Variants in SMOC2 observed in about 807,000 individuals in gnomAD.
SMOC2 encodes SPARC related modular calcium binding 2, also known as SPARC-related modular calcium-binding protein 2.
In SMOC2, 39 loss-of-function variants were observed where a neutral mutation model predicts 61.4. That is an observed-to-expected ratio of 0.64 (90% CI 0.49 to 0.83). SMOC2 has a LOEUF of 0.83. SMOC2 is among the 40% of genes least tolerant of loss of function. The pLI is 0.00. For missense variants in SMOC2, 556 were observed against 592.9 expected, an observed-to-expected ratio of 0.94 and a Z score of 0.65; for synonymous variants, 247 against 239.9, an observed-to-expected ratio of 1.03 and a Z score of -0.27.
intron 7 of SMOC2, among the ~76,000 whole-genome samples, chr6:168,566,846 G>A (rs1025624136): frequency 1.3e-5 from 2 of 151,648 alleles, no homozygotes; most frequent in African/African-American, 4.9e-5. Flanking sequence ...AGTGTAGAGT[G>A]GGTGGCACAT....
chr6:168,658,915 TGTGTGTGTGGAGTGTGTGTATGTGTG>T (rs1408260148), intron 11 of SMOC2, among the ~76,000 whole-genome samples: 2 of 151,086 alleles, frequency 1.3e-5, no homozygotes, highest in Admixed American at 6.6e-5. Flanking sequence ...GTGTGTGGTG[TGTGTGTGTGGAGTGTGTGTATGTGTG>T]GTGTGTGTGG....
At chr6:168,632,728 C>T (rs1786601965) in intron 9 of SMOC2, among the ~76,000 whole-genome samples, 1 of 152,224 alleles carries the variant, frequency 6.6e-6, no homozygotes, top group Admixed American at 6.5e-5. Flanking sequence ...TGTCCTTCTT[C>T]ATCCACAACA....
At chr6:168,609,827 T>C (rs1371920698) in intron 9 of SMOC2, among the ~76,000 whole-genome samples, 1 of 152,188 alleles carries the variant, frequency 6.6e-6, no homozygotes, top group Admixed American at 6.5e-5. Context: ...ATTTTTTTTT[T>C]CGATAGCACA....
At chr6:168,581,480 C>G (rs561119209) in intron 7 of SMOC2, among the ~76,000 whole-genome samples, 31 of 152,132 alleles carry the variant, frequency 2.0e-4, no homozygotes, top group African/African-American at 7.0e-4. Context: ...TCAGAAGCCC[C>G]GGACGGGTCT....
intron 7 of SMOC2, among the ~76,000 whole-genome samples, chr6:168,556,008 C>T (rs1784240067): frequency 1.3e-5 from 2 of 152,196 alleles, no homozygotes; most frequent in Admixed American, 6.5e-5. Flanking sequence ...CGACACCATC[C>T]TCGCCGTGGC....
chr6:168,584,617 A>G (rs1357516859), intron 7 of SMOC2, among the ~76,000 whole-genome samples: 1 of 150,978 alleles, frequency 6.6e-6, no homozygotes, highest in East Asian at 1.9e-4. Context: ...AGTCTGATAT[A>G]CTATTCATTT....
At chr6:168,580,604 C>T (rs1385477761) in intron 7 of SMOC2, among the ~76,000 whole-genome samples, 7 of 152,206 alleles carry the variant, frequency 4.6e-5, no homozygotes, top group Non-Finnish European at 1.0e-4. Context: ...GGCAGTGGCA[C>T]AATCACGACT....
intron 8 of SMOC2, among the ~76,000 whole-genome samples, chr6:168,605,095 G>A (rs1229189965): frequency 1.3e-5 from 2 of 152,186 alleles, no homozygotes; most frequent in Admixed American, 1.3e-4. Context: ...ATGGGAAGGG[G>A]CCATCAGACT....
chr6:168,617,257 A>G (rs753228072), intron 9 of SMOC2, among the ~76,000 whole-genome samples: 7 of 150,470 alleles, frequency 4.7e-5, no homozygotes, highest in Non-Finnish European at 8.9e-5. Context: ...ATTTTCCTCA[A>G]CATGTAGAGG....
At chr6:168,516,177 A>G (rs1249821854) in intron 2 of SMOC2, among the ~76,000 whole-genome samples, 1 of 152,222 alleles carries the variant, frequency 6.6e-6, no homozygotes, top group Non-Finnish European at 1.5e-5. Context: ...TGTTTTGCAC[A>G]CTTCACACAG....
At chr6:168,578,939 G>T (rs891543677) in intron 7 of SMOC2, among the ~76,000 whole-genome samples, 9 of 152,170 alleles carry the variant, frequency 5.9e-5, no homozygotes, top group African/African-American at 1.9e-4. Flanking sequence ...TCTCCTGACC[G>T]GCATTCTGGG....
In SMOC2 at chr6:168,640,221, C is replaced by A. The variant is rs911949; in HGVS notation, c.908-10460C>A. On this transcript the variant is annotated intron_variant, in intron 9 of 12. Coordinates refer to ENST00000356284, the MANE Select transcript of SMOC2 (RefSeq NM_001166412.2). ...TTGGTGTTGTATTGTGCTTGTGTTG[C>A]GGTTGTGTTGTGGTAGTCGCTGTGT... Among the ~76,000 whole-genome samples the A allele has an allele frequency of 6.1e-5, 9 of 148,006 alleles. No individual in the cohort carries two copies. The East Asian group carries it at 1.6e-3, about 26-fold the overall frequency.
intron 7 of SMOC2, among the ~76,000 whole-genome samples, chr6:168,569,022 A>T (rs956379954): frequency 2.6e-5 from 4 of 152,228 alleles, no homozygotes; most frequent in Non-Finnish European, 4.4e-5. Context: ...ACTCATATGT[A>T]GGTTTTTGTG....
intron 1 of SMOC2, among the ~76,000 whole-genome samples, chr6:168,469,519 G>A (rs1222834182): frequency 1.3e-5 from 2 of 152,196 alleles, no homozygotes; most frequent in Admixed American, 1.3e-4. Context: ...GAATACAGAA[G>A]CAATTTTGTA....
chr6:168,638,617 C>G (rs1415123007), intron 9 of SMOC2, among the ~76,000 whole-genome samples: 1 of 152,076 alleles, frequency 6.6e-6, no homozygotes, highest in East Asian at 1.9e-4. Context: ...CTGGGAAGGC[C>G]CATCAGGAGG....
At chr6:168,542,588 T>C (rs1049091699) in intron 4 of SMOC2, among the ~76,000 whole-genome samples, 1 of 152,208 alleles carries the variant, frequency 6.6e-6, no homozygotes, top group Admixed American at 6.5e-5. Flanking sequence ...TTGGGGTGGC[T>C]GCGCTGTGTT....
In SMOC2 at chr6:168,650,770, T is replaced by G. The variant is rs200707323; in HGVS notation, c.997T>G (p.Ser333Ala). 106 of 1,611,488 alleles carry G rather than the reference T, an allele frequency of 6.6e-5. No individual in the cohort carries two copies. The highest frequency in any genetic ancestry group is 8.7e-5 in the Non-Finnish European group (103 of 1,179,822). The change falls in exon 10 of 13, where the codon TCC becomes GCC. Residue 333 changes from serine (S) to alanine (A), a missense_variant. Coordinates refer to ENST00000356284, the MANE Select transcript of SMOC2 (RefSeq NM_001166412.2). ...GGTCCACGCCGCCTCCGACCCCTCC[T>G]CCTCGTCAGGCAGGTACGCTGTGTT... ...DMVHAASDPSSSSGRLSEPDP... is the reference protein window; with the variant it reads ...DMVHAASDPSASSGRLSEPDP...
rs747716028 is a variant in SMOC2 at position 168,598,972 on chromosome 6, C to T, written c.792C>T (p.Asp264=). Reference sequence around the variant, plus strand: ...GGTACTGCTGGTGCGTCCTGGTGGACACGGGGCGCCCCATTCCCGGCACAT... The same window carrying T: ...GGTACTGCTGGTGCGTCCTGGTGGATACGGGGCGCCCCATTCCCGGCACAT... ...STGYCWCVLV[D]TGRPIPGTST... Residue 264 remains aspartate (D), a synonymous_variant, in exon 8 of 13, where the codon GAC becomes GAT. Transcript: ENST00000356284. 24 of 1,611,690 alleles carry T rather than the reference C, an allele frequency of 1.5e-5. No individual in the cohort carries two copies. In the South Asian group the frequency reaches 2.1e-4, roughly 14 times the overall value.
chr6:168,666,251 G>A (rs527896970), intron 12 of SMOC2, among the ~76,000 whole-genome samples, 170 bp from the exon 13 acceptor site: 1 of 152,068 alleles, frequency 6.6e-6, no homozygotes, highest in South Asian at 2.1e-4. Context: ...CTGTTAAGAA[G>A]TTACCAGTGT....
Sources: gnomAD v4.1 joint callset for allele counts (sites outside exome capture counted in the v4.1 genomes callset) on GRCh38, gnomAD v4.1.1 for gene constraint, MANE v1.5 for transcripts, NCBI Gene and HGNC (gene_info 2026-07-23, HGNC 2026-07-21) for gene names.